Variants in TIMMDC1 observed in about 807,000 individuals in gnomAD.
TIMMDC1 encodes translocase of inner mitochondrial membrane domain containing 1.
Under a neutral mutation model 32.6 loss-of-function variants are expected in TIMMDC1, and 25 were observed. The ratio of observed to expected loss-of-function variants is 0.77; its 90% CI spans 0.56 to 1.07. The LOEUF (loss-of-function observed/expected upper bound fraction) is 1.07. Ranked by LOEUF, TIMMDC1 falls within the 50% of genes least tolerant of loss-of-function variation. The pLI, the probability that TIMMDC1 is intolerant of heterozygous loss-of-function variation, is 0.00. For synonymous variants in TIMMDC1, 130 were observed against 127.6 expected (o/e 1.02, Z -0.13); for missense variants, 329 against 349.2 (o/e 0.94, Z 0.46).
chr3:119,505,096 A>AT (rs761506418), intron 4 of TIMMDC1, among the ~76,000 whole-genome samples: 2 of 150,196 alleles, frequency 1.3e-5, no homozygotes, highest in Non-Finnish European at 3.0e-5. Flanking sequence ...AAAAAAAAAA[A>AT]GTAGATTTTA....
chr3:119,505,114 TCAC>T (rs2081909662), intron 4 of TIMMDC1, among the ~76,000 whole-genome samples: 1 of 151,756 alleles, frequency 6.6e-6, no homozygotes, highest in Non-Finnish European at 1.5e-5. Context: ...TTAAGTGTTC[TCAC>T]CACAAAAAAT....
At chr3:119,508,150 A>G (rs1313909343) in intron 4 of TIMMDC1, among the ~76,000 whole-genome samples, 1 of 151,976 alleles carries the variant, frequency 6.6e-6, no homozygotes, top group Non-Finnish European at 1.5e-5. Flanking sequence ...GCCTGAGGGG[A>G]TTTTTCTCAG....
intron 6 of TIMMDC1, among the ~76,000 whole-genome samples, chr3:119,521,666 C>T (rs1577103720): frequency 6.6e-6 from 1 of 150,972 alleles, no homozygotes; most frequent in Middle Eastern, 3.4e-3. Context: ...GCACTCCAGC[C>T]TGGGCAACAA....
chr3:119,502,842 G>C (rs1006356137), intron 2 of TIMMDC1, among the ~76,000 whole-genome samples: 58 of 152,134 alleles, frequency 3.8e-4, no homozygotes, highest in Non-Finnish European at 6.6e-4. Flanking sequence ...TTACAGGTGT[G>C]AGCCACCATA....
chr3:119,515,979 T>A (rs981643051), intron 5 of TIMMDC1, among the ~76,000 whole-genome samples: 6 of 152,238 alleles, frequency 3.9e-5, no homozygotes, highest in African/African-American at 1.4e-4. Context: ...AAAATTTGAA[T>A]TAAATAAAAT....
Position 119,520,712 on chromosome 3 carries a change from A to G in TIMMDC1, c.708-2894A>G, listed in dbSNP as rs572984524. ...TGTTCCGAAATATTGAAGATGAGAG[A>G]GTTCTTCCAAACTCATTCTACAAGG... On this transcript the variant is annotated intron_variant, in intron 6 of 6. Transcript: ENST00000494664. 9.2e-5 allele frequency among the ~76,000 whole-genome samples: 14 copies of G among 152,342 alleles called. No homozygotes were observed. The South Asian group carries it at 2.9e-3, about 32-fold the overall frequency.
rs1017223858 is a variant in TIMMDC1, at chr3:119,498,643, C to G, written c.-91C>G. The G allele has an allele frequency of 6.9e-6, 9 of 1,305,696 alleles. No individual in the cohort carries two copies. The highest frequency in any genetic ancestry group is 8.6e-6 in the Non-Finnish European group (8 of 926,932). The allele number at this position is 1,305,696 out of a possible 1,614,324, so 80.9% of individuals were successfully genotyped here. ...TTAACCTGGGTCAAATGCACGGATTCTCACCTCGTACAGTTACGCTCTCCC... is the reference window on the plus strand; with the variant it reads ...TTAACCTGGGTCAAATGCACGGATTGTCACCTCGTACAGTTACGCTCTCCC... On this transcript the variant is annotated 5_prime_UTR_variant, in exon 1 of 7. Coordinates refer to ENST00000494664, the MANE Select transcript of TIMMDC1 (RefSeq NM_016589.4).
intron 4 of TIMMDC1, among the ~76,000 whole-genome samples, chr3:119,512,816 C>T (rs1328358870): frequency 2.0e-5 from 3 of 152,184 alleles, no homozygotes; most frequent in African/African-American, 7.2e-5. Flanking sequence ...TATCTGCTCA[C>T]TGCAGCCTCC....
chr3:119,516,991 G>T (rs1026044168), intron 5 of TIMMDC1, among the ~76,000 whole-genome samples: 1 of 152,136 alleles, frequency 6.6e-6, no homozygotes, highest in African/African-American at 2.4e-5. Context: ...ACTTTAGGAG[G>T]TTGTAGTGAT....
Position 119,517,214 on chromosome 3 carries a change from A to C in TIMMDC1, c.606A>C (p.Val202=), listed in dbSNP as rs1257951350. ...TCTCCTTTCTTCTCAGCACTCCTGT[A>C]GGAGGCCTGCTGATGGCATTTCAGA... is the stretch of plus-strand genomic sequence containing the variant. ...GIIGALLGTP[V]GGLLMAFQKY... Residue 202 remains valine, a synonymous_variant, in exon 6 of 7, where the codon GTA becomes GTC. Coordinates refer to ENST00000494664, the MANE Select transcript of TIMMDC1 (RefSeq NM_016589.4). 6.2e-7 allele frequency: 1 copy of C among 1,609,772 alleles called. No individual in the cohort carries two copies. Among genetic ancestry groups the C allele is most frequent in the Non-Finnish European group, 8.5e-7 (1 of 1,176,284 alleles).
rs1015903028 is a variant in TIMMDC1, at chr3:119,523,953, C to T, written c.*197C>T. 1 of 447,272 alleles carries T rather than the reference C, an allele frequency of 2.2e-6. No individual in the cohort carries two copies. The highest frequency in any genetic ancestry group is 3.9e-6 in the Non-Finnish European group (1 of 255,988). The allele number at this position is 447,272 out of a possible 1,614,324, so 27.7% of individuals were successfully genotyped here. ...CTGTTGTACTCTCACTTTACTTATC[C>T]TTAAATTTAAATACATACTTATGTT... is the stretch of plus-strand genomic sequence containing the variant. On this transcript the variant is annotated 3_prime_UTR_variant, in exon 7 of 7. Transcript: ENST00000494664.
At chr3:119,510,616 C>G (rs531790022) in intron 4 of TIMMDC1, among the ~76,000 whole-genome samples, 6 of 152,242 alleles carry the variant, frequency 3.9e-5, no homozygotes, top group South Asian at 2.1e-4. Flanking sequence ...AGGTCAGGAA[C>G]AAAACCAAGC....
chr3:119,513,820 A>G lies in TIMMDC1; in HGVS notation c.596+101A>G, dbSNP rs532069969. 65 of 738,490 alleles carry G rather than the reference A, an allele frequency of 8.8e-5. 1 individual carries two copies. Among genetic ancestry groups the G allele is most frequent in the Non-Finnish European group, 1.1e-5 (5 of 465,118 alleles). 45.7% of individuals were successfully genotyped at this position (738,490 alleles called of 1,614,324 possible). ...TTTTCAAAGAACAAATTTAATCCTTAGAATCTATAAAAGATCTCTAGTCTT... is the reference window on the plus strand; with the variant it reads ...TTTTCAAAGAACAAATTTAATCCTTGGAATCTATAAAAGATCTCTAGTCTT... On this transcript the variant is annotated intron_variant, in intron 5 of 6. Transcript: ENST00000494664.
At position 119,523,651 on chromosome 3, in the gene TIMMDC1, AAGT is replaced by A. The variant is rs2107736983; in HGVS notation, c.757_759del (p.Ser253del). On this transcript the variant is annotated inframe_deletion, in exon 7 of 7. Coordinates refer to ENST00000494664, the MANE Select transcript of TIMMDC1 (RefSeq NM_016589.4). ...CTGAGCACCTCCCTGAGAAAATTGAAAGTAGTTTACAGGAAGATGAACCTGAGA... is the reference window on the plus strand; with the variant it reads ...CTGAGCACCTCCCTGAGAAAATTGAAAGTTTACAGGAAGATGAACCTGAGA... The A allele has an allele frequency of 6.2e-7, 1 of 1,613,078 alleles. No homozygotes were observed. Among genetic ancestry groups the A allele is most frequent in the East Asian group, 2.2e-5 (1 of 44,872 alleles).
chr3:119,506,968 G>C (rs2081922854), intron 4 of TIMMDC1, among the ~76,000 whole-genome samples: 1 of 152,132 alleles, frequency 6.6e-6, no homozygotes, highest in South Asian at 2.1e-4. Flanking sequence ...GTCAGCCTCA[G>C]CTTCCCTAGA....
At chr3:119,502,000 T>G (rs994793319) in intron 2 of TIMMDC1, among the ~76,000 whole-genome samples, 12 of 152,216 alleles carry the variant, frequency 7.9e-5, no homozygotes, top group African/African-American at 2.7e-4. Context: ...TTCAGTGACT[T>G]GCTTAAGATG....
intron 2 of TIMMDC1, among the ~76,000 whole-genome samples, chr3:119,501,585 CTATTATCT>C (rs1474260956): frequency 7.9e-5 from 12 of 152,224 alleles, no homozygotes; most frequent in Admixed American, 6.5e-4. Flanking sequence ...AGATATAGTA[CTATTATCT>C]TATTTAAAGA....
rs1369093079 is a variant in TIMMDC1, at chr3:119,517,293, C to T, written c.685C>T (p.His229Tyr). 6 of 1,612,640 alleles carry T rather than the reference C, an allele frequency of 3.7e-6. No homozygotes were observed. The highest frequency in any genetic ancestry group is 1.3e-5 in the African/African-American group (1 of 74,884). Residue 229 changes from histidine (H) to tyrosine (Y), a missense_variant, in exon 6 of 7, where the codon CAT becomes TAT. His to Tyr is a moderately conservative substitution (Grantham distance 83). Coordinates refer to ENST00000494664, the MANE Select transcript of TIMMDC1 (RefSeq NM_016589.4). ...AAAACAGAAGGATCGAAAGGCACTC[C>T]ATGAGCTAAAACTGGAAGAGTGGTA... ...ERKQKDRKAL[H>Y]ELKLEEWKGR...
chr3:119,498,963 C>T (rs370180638), intron 1 of TIMMDC1, 36 bp downstream of exon 1: 46 of 1,601,446 alleles, frequency 2.9e-5, no homozygotes, highest in Middle Eastern at 3.3e-4. Flanking sequence ...GGGTAGGGGG[C>T]CGCGAAAGCG....
Sources: gnomAD v4.1 joint callset for allele counts (sites outside exome capture counted in the v4.1 genomes callset) on GRCh38, gnomAD v4.1.1 for gene constraint, MANE v1.5 for transcripts, NCBI Gene and HGNC (gene_info 2026-07-23, HGNC 2026-07-21) for gene names.